The following GLIS3 variants were observed in gnomAD, a reference collection of about 807,000 sequenced individuals.
The protein encoded by GLIS3 is GLIS family zinc finger 3.
GLIS3 carries 53 observed loss-of-function variants against 78.6 expected under a neutral mutation model. The ratio of observed to expected loss-of-function variants is 0.67; its 90% CI spans 0.54 to 0.85. GLIS3 has a LOEUF of 0.85. GLIS3 is among the 40% of genes least tolerant of loss of function. The pLI, the probability that GLIS3 is intolerant of heterozygous loss-of-function variation, is 0.00. For missense variants in GLIS3, 1,703 were observed against 1,231.1 expected (o/e 1.38, Z -5.74); for synonymous variants, 684 against 509.9 (o/e 1.34, Z -4.60).
At chr9:4,215,527 C>A (rs1016670191) in intron 2 of GLIS3, among the ~76,000 whole-genome samples, 1 of 152,126 alleles carries the variant, frequency 6.6e-6, no homozygotes, top group Non-Finnish European at 1.5e-5. Flanking sequence ...GAAAAGATTC[C>A]TGAATTTCCC....
At chr9:4,394,354 C>A in the GLIS3 span, among the ~76,000 whole-genome samples, 2 of 150,516 alleles carry the variant, frequency 1.3e-5, no homozygotes, top group Non-Finnish European at 3.0e-5. Context: ...ATTATTTAAT[C>A]TTTAAGCCCC....
At chr9:4,431,683 A>G in the GLIS3 span, among the ~76,000 whole-genome samples, 1 of 152,132 alleles carries the variant, frequency 6.6e-6, no homozygotes. Flanking sequence ...CATCTCTACT[A>G]AAAATACAAA....
chr9:4,389,829 G>A, the GLIS3 span, among the ~76,000 whole-genome samples: 4 of 152,184 alleles, frequency 2.6e-5, no homozygotes, highest in African/African-American at 4.8e-5. Context: ...TTGAACATTT[G>A]CTATATTTCA....
chr9:4,244,557 G>A (rs1414351486), intron 2 of GLIS3, among the ~76,000 whole-genome samples: 1 of 152,062 alleles, frequency 6.6e-6, no homozygotes, highest in African/African-American at 2.4e-5. Context: ...GTAGATATCT[G>A]TTAAAGATCT....
chr9:4,481,399 G>A, the GLIS3 span, among the ~76,000 whole-genome samples: 7 of 152,144 alleles, frequency 4.6e-5, no homozygotes, highest in South Asian at 2.1e-4. Flanking sequence ...CAGGGGAATC[G>A]CTTGAACCTG....
intron 4 of GLIS3, among the ~76,000 whole-genome samples, chr9:4,098,908 A>G (rs1830157489): frequency 6.6e-6 from 1 of 152,202 alleles, no homozygotes; most frequent in African/African-American, 2.4e-5. Flanking sequence ...CCAGGTCTCA[A>G]TGTGTTGATC....
chr9:4,359,893 T>C, the GLIS3 span, among the ~76,000 whole-genome samples: 22 of 146,374 alleles, frequency 1.5e-4, no homozygotes, highest in Non-Finnish European at 2.9e-4. Flanking sequence ...GAGATGAATG[T>C]TAAGTATATA....
chr9:3,968,652 A>G (rs1011500889), intron 4 of GLIS3, among the ~76,000 whole-genome samples: 3 of 152,144 alleles, frequency 2.0e-5, no homozygotes, highest in Non-Finnish European at 4.4e-5. Context: ...CATTTTTAAC[A>G]GTAAATCTTT....
intron 2 of GLIS3, among the ~76,000 whole-genome samples, chr9:4,194,180 C>G (rs920897884): frequency 2.6e-5 from 4 of 152,138 alleles, no homozygotes; most frequent in Non-Finnish European, 5.9e-5. Context: ...GCCTCAGCCT[C>G]CTGAGTAGCT....
intron 6 of GLIS3, among the ~76,000 whole-genome samples, chr9:3,918,215 C>A (rs902313572): frequency 6.6e-6 from 1 of 152,120 alleles, no homozygotes; most frequent in Non-Finnish European, 1.5e-5. Flanking sequence ...TATTTAGGGT[C>A]ATTTGAGGGC....
intron 4 of GLIS3, among the ~76,000 whole-genome samples, chr9:3,990,368 T>G (rs1820126069): frequency 6.6e-6 from 1 of 152,188 alleles, no homozygotes; most frequent in Non-Finnish European, 1.5e-5. Context: ...GGTCTTAAGT[T>G]GCACACGGCA....
the GLIS3 span, among the ~76,000 whole-genome samples, chr9:4,368,990 T>C: frequency 1.3e-5 from 2 of 152,238 alleles, no homozygotes; most frequent in Middle Eastern, 3.4e-3. Flanking sequence ...GGAAAAAGAA[T>C]GATGTTTTCT....
intron 2 of GLIS3, among the ~76,000 whole-genome samples, chr9:4,276,360 A>T (rs183622472): frequency 3.9e-4 from 21 of 54,404 alleles, no homozygotes; most frequent in South Asian, 8.2e-4. Flanking sequence ...ACGGGAGGGA[A>T]GGAGAGGGCA....
At chr9:4,425,090 G>A in the GLIS3 span, among the ~76,000 whole-genome samples, 5 of 152,086 alleles carry the variant, frequency 3.3e-5, no homozygotes, top group African/African-American at 1.2e-4. Context: ...TCATGAAGCA[G>A]CCCCCGAAGT....
chr9:4,414,351 C>T, the GLIS3 span, among the ~76,000 whole-genome samples: 4 of 152,278 alleles, frequency 2.6e-5, no homozygotes, highest in Non-Finnish European at 5.9e-5. Flanking sequence ...AACCGTAACT[C>T]AATGTGAGTA....
At position 3,828,317 on chromosome 9, in the gene GLIS3, C is replaced by A. The variant is rs1817836813; in HGVS notation, c.2748G>T (p.Val916=). Reference sequence around the variant, plus strand: ...AGGAGAGCTGGCTAGGACAGCGGTCCACGGTGCTGATCTGCAAGAAGGTAG... The same window carrying A: ...AGGAGAGCTGGCTAGGACAGCGGTCAACGGTGCTGATCTGCAAGAAGGTAG... ...EDATFLQIST[V]DRCPSQLSSV... The change falls in exon 11 of 11, where the codon GTG becomes GTT. Residue 916 remains valine, a synonymous_variant. Coordinates refer to ENST00000381971, the MANE Select transcript of GLIS3 (RefSeq NM_001042413.2). 1.2e-6 allele frequency: 2 copies of A among 1,613,390 alleles called. No homozygotes were observed. The highest frequency in any genetic ancestry group is 1.7e-4 in the Middle Eastern group (1 of 6,038).
At chr9:4,088,202 C>T (rs1334033353) in intron 4 of GLIS3, among the ~76,000 whole-genome samples, 1 of 152,212 alleles carries the variant, frequency 6.6e-6, no homozygotes, top group Admixed American at 6.5e-5. Flanking sequence ...TCATGTACCT[C>T]AATCCTTCTA....
At position 4,286,178 on chromosome 9, in the gene GLIS3, G is replaced by T. The variant is rs749182486; in HGVS notation, c.248C>A (p.Ala83Asp). The T allele has an allele frequency of 3.7e-6, 6 of 1,614,120 alleles. No homozygotes were observed. The highest frequency in any genetic ancestry group is 5.1e-6 in the Non-Finnish European group (6 of 1,180,052). Reference sequence around the variant, plus strand: ...GAGCATTTGTCTCCTGGGGCTTAAGGCAGGCAGATGGATGCGGCTCTCAGC... The same window carrying T: ...GAGCATTTGTCTCCTGGGGCTTAAGTCAGGCAGATGGATGCGGCTCTCAGC... Reference protein sequence around the residue: ...NVAESRIHLPALSPRRQMLTN... With the variant: ...NVAESRIHLPDLSPRRQMLTN... The change falls in exon 2 of 11, where the codon GCC (alanine) becomes GAC (aspartate). Residue 83 changes from alanine to aspartate, a missense_variant. Transcript: ENST00000381971.
At chr9:4,431,141 CATGAAAG>C in the GLIS3 span, among the ~76,000 whole-genome samples, 1 of 152,220 alleles carries the variant, frequency 6.6e-6, no homozygotes, top group Admixed American at 6.5e-5. Flanking sequence ...CCACACCCTT[CATGAAAG>C]TTATTTTGTG....
Sources: gnomAD v4.1 joint callset for allele counts (sites outside exome capture counted in the v4.1 genomes callset) on GRCh38, gnomAD v4.1.1 for gene constraint, MANE v1.5 for transcripts, NCBI Gene and HGNC (gene_info 2026-07-23, HGNC 2026-07-21) for gene names.